Variants in ARHGEF3 observed in about 807,000 individuals in gnomAD.
ARHGEF3 encodes the protein Rho guanine nucleotide exchange factor 3.
ARHGEF3 carries 28 observed loss-of-function variants against 63.2 expected under a neutral mutation model. The ratio of observed to expected loss-of-function variants is 0.44; its 90% confidence interval spans 0.33 to 0.61. The LOEUF is 0.61. Among genes scored for constraint, ARHGEF3 ranks in the 20% least tolerant of loss-of-function variants. The pLI, the probability that ARHGEF3 is intolerant of heterozygous loss-of-function variation, is 0.03. For missense variants in ARHGEF3, 533 were observed against 659.3 expected (o/e 0.81, Z 2.10); for synonymous variants, 266 against 254.2 (o/e 1.05, Z -0.44).
intron 2 of ARHGEF3, among the ~76,000 whole-genome samples, chr3:56,761,514 T>C (rs564177724): frequency 1.3e-5 from 2 of 152,130 alleles, no homozygotes; most frequent in African/African-American, 2.4e-5. Context: ...TTCCTTCCAA[T>C]AGAAGGTAAA....
chr3:56,963,016 G>A (rs904697881), intron 2 of ARHGEF3, among the ~76,000 whole-genome samples: 2 of 151,922 alleles, frequency 1.3e-5, no homozygotes, highest in Non-Finnish European at 2.9e-5. Flanking sequence ...TGCTGTCTGC[G>A]CACTGTGTGG....
intron 2 of ARHGEF3, among the ~76,000 whole-genome samples, chr3:56,967,461 T>TATATTATATTATATATTATATATTATAC (rs1700587442): frequency 6.1e-5 from 4 of 65,630 alleles, no homozygotes. Flanking sequence ...ATACATATTA[T>TATATTATATTATATATTATATATTATAC]ATATTATATA....
chr3:57,026,190 A>G (rs561125205), intron 2 of ARHGEF3, among the ~76,000 whole-genome samples: 1 of 152,318 alleles, frequency 6.6e-6, no homozygotes, highest in South Asian at 2.1e-4. Flanking sequence ...ACTTGAGCTC[A>G]GGAGTTTGAG....
chr3:57,059,112 G>A (rs1325037039), intron 1 of ARHGEF3, among the ~76,000 whole-genome samples: 1 of 151,950 alleles, frequency 6.6e-6, no homozygotes, highest in East Asian at 1.9e-4. Flanking sequence ...TGCACGTTGT[G>A]CACATGTACC....
At chr3:56,815,163 A>G (rs1578586160) in intron 4 of ARHGEF3, among the ~76,000 whole-genome samples, 1 of 152,138 alleles carries the variant, frequency 6.6e-6, no homozygotes, top group African/African-American at 2.4e-5. Context: ...TAAAAAAAAA[A>G]AAAAAAGAAG....
chr3:56,888,601 T>C (rs1014890992), intron 3 of ARHGEF3, among the ~76,000 whole-genome samples: 1 of 152,130 alleles, frequency 6.6e-6, no homozygotes, highest in African/African-American at 2.4e-5. Flanking sequence ...CTACCACTGC[T>C]TCTTAAAAAA....
At chr3:56,732,693 CT>C (rs2033260522) in intron 8 of ARHGEF3, among the ~76,000 whole-genome samples, 1 of 152,072 alleles carries the variant, frequency 6.6e-6, no homozygotes, top group Non-Finnish European at 1.5e-5. Flanking sequence ...GGGTTGCCAA[CT>C]TTGGGGGCCC....
intron 4 of ARHGEF3, among the ~76,000 whole-genome samples, chr3:56,816,408 C>A (rs900117892): frequency 6.6e-6 from 1 of 152,204 alleles, no homozygotes; most frequent in African/African-American, 2.4e-5. Flanking sequence ...CTAAATAGTG[C>A]CCCATAAATA....
chr3:57,078,362 C>T (rs62250330), intron 1 of ARHGEF3, among the ~76,000 whole-genome samples: 15,854 of 152,288 alleles, frequency 0.1, 1,026 homozygotes, highest in Non-Finnish European at 0.14. Context: ...GTGCGGGAAG[C>T]AAGCCTGGGC....
At chr3:56,993,722 G>A (rs1213788779) in intron 2 of ARHGEF3, among the ~76,000 whole-genome samples, 2 of 151,410 alleles carry the variant, frequency 1.3e-5, no homozygotes, top group Non-Finnish European at 2.9e-5. Context: ...GTTTCCTCAT[G>A]TGGAAGGAGA....
chr3:56,776,200 T>C (rs917562970), intron 1 of ARHGEF3, among the ~76,000 whole-genome samples: 1 of 152,196 alleles, frequency 6.6e-6, no homozygotes, highest in Non-Finnish European at 1.5e-5. Context: ...CCATTTTGCA[T>C]GACCCAGTCG....
intron 2 of ARHGEF3, among the ~76,000 whole-genome samples, chr3:56,769,381 A>C (rs2035887008): frequency 6.6e-6 from 1 of 152,206 alleles, no homozygotes; most frequent in Non-Finnish European, 1.5e-5. Context: ...GAGGGAATTT[A>C]TAGGCTCAGA....
At chr3:56,775,749 G>A (rs192991742) in intron 1 of ARHGEF3, 96 of 899,842 alleles carry the variant, frequency 1.1e-4, no homozygotes, top group South Asian at 4.1e-4. Context: ...ATTTTTTTAC[G>A]TCAGAGCTGC....
At chr3:56,934,845 G>A (rs902137268) in intron 3 of ARHGEF3, among the ~76,000 whole-genome samples, 1 of 152,262 alleles carries the variant, frequency 6.6e-6, no homozygotes, top group South Asian at 2.1e-4. Context: ...GGGCTGAGGA[G>A]CGCGAGCACA....
intron 1 of ARHGEF3, chr3:57,035,229 A>G: frequency 2.9e-6 from 3 of 1,031,544 alleles, no homozygotes; most frequent in Non-Finnish European, 4.1e-6. Context: ...CATTTATGTT[A>G]TAAACACACA....
chr3:56,736,049 AACACACACACACACACACACAC>A (rs10530565), intron 8 of ARHGEF3, among the ~76,000 whole-genome samples: 1 of 147,068 alleles, frequency 6.8e-6, no homozygotes, highest in Admixed American at 6.8e-5. Context: ...CAGAAATTTA[AACACACACACACACACACACAC>A]ACACACACAC....
upstream of ARHGEF3, among the ~76,000 whole-genome samples, chr3:56,802,612 C>T (rs549972454): frequency 6.6e-6 from 1 of 152,282 alleles, no homozygotes; most frequent in East Asian, 1.9e-4. Context: ...TCCCACTTTG[C>T]ACCAACTTTT....
At chr3:56,918,910 G>A (rs2042054486) in intron 3 of ARHGEF3, among the ~76,000 whole-genome samples, 1 of 152,126 alleles carries the variant, frequency 6.6e-6, no homozygotes, top group Non-Finnish European at 1.5e-5. Flanking sequence ...CCACAAAGAA[G>A]TATATAAAGT....
chr3:56,745,808 A>G (rs2034345014), intron 6 of ARHGEF3, among the ~76,000 whole-genome samples: 1 of 152,084 alleles, frequency 6.6e-6, no homozygotes, highest in Non-Finnish European at 1.5e-5. Flanking sequence ...AGTAGCTGGG[A>G]CTACAGGCGC....
Sources: gnomAD v4.1 joint callset for allele counts (sites outside exome capture counted in the v4.1 genomes callset) on GRCh38, gnomAD v4.1.1 for gene constraint, MANE v1.5 for transcripts, NCBI Gene and HGNC (gene_info 2026-07-23, HGNC 2026-07-21) for gene names.